The following AMER2 variants were observed in gnomAD, a reference collection of about 807,000 sequenced individuals.
The protein encoded by AMER2 is APC membrane recruitment protein 2, also known as family with sequence similarity 123A.
In AMER2, 1 loss-of-function variant was observed where a neutral mutation model predicts 4.7. The observed-to-expected ratio is 0.21, with a 90% CI of 0.07 to 1.00. The LOEUF is 1.00. Ranked by LOEUF, AMER2 falls within the 50% of genes least tolerant of loss-of-function variation. AMER2 has a pLI of 0.60. For missense variants in AMER2, 988 were observed against 966.9 expected, an observed-to-expected ratio of 1.02 and a Z score of -0.29; for synonymous variants, 485 against 433.3, an observed-to-expected ratio of 1.12 and a Z score of -1.48.
Position 25,170,092 on chromosome 13 carries a change from C to G in AMER2, c.1528G>C (p.Glu510Gln), listed in dbSNP as rs753340378. 2 of 1,614,098 alleles carry G rather than the reference C, an allele frequency of 1.2e-6. No individual in the cohort carries two copies. Among genetic ancestry groups the G allele is most frequent in the Non-Finnish European group, 1.7e-6 (2 of 1,180,016 alleles). The stretch of plus-strand genomic sequence containing the variant: ...GGGACGCCTTCCTGCTGCTCCTTCT[C>G]CGGGTGCTTGGGCTCCTCCTTAGGA... The part of the protein sequence containing the change: ...PHPKEEPKHP[E>Q]KEQQEGVPNS... Residue 510 changes from glutamate to glutamine, a missense_variant, in exon 1 of 1, where the codon GAG (glutamate) becomes CAG (glutamine). Transcript: ENST00000515384. The surrounding 1 kb of genome is among the most constrained non-coding windows in gnomAD (Gnocchi z 7.3).
rs2137432548 is a variant in AMER2, at chr13:25,165,009, T to A, written c.*4595A>T. 1 of 152,326 alleles carries A rather than the reference T, an allele frequency of 6.6e-6. No individual in the cohort carries two copies. Among genetic ancestry groups the A allele is most frequent in the South Asian group, 2.1e-4 (1 of 4,828 alleles). 9.4% of individuals were successfully genotyped at this position (152,326 alleles called of 1,614,324 possible). ...TGATACAGTCTATGCCCCATAAATA[T>A]GTGTTGCATTGAATTAAAGTAAATA... On this transcript the variant is annotated 3_prime_UTR_variant, in exon 1 of 1. Coordinates refer to ENST00000515384, the MANE Select transcript of AMER2 (RefSeq NM_152704.4).
Position 25,171,469 on chromosome 13 carries a change from C to T in AMER2, c.151G>A (p.Ala51Thr). ...GGCGGCTCGGCGGCCGGCGTTTCGG[C>T]GGCACAGTCACAATGCAAGTCCATG... is the stretch of plus-strand genomic sequence containing the variant. Reference protein sequence around the residue: ...ADMDLHCDCAAETPAAEPPSG... With the variant: ...ADMDLHCDCATETPAAEPPSG... Residue 51 changes from alanine (A) to threonine (T), a missense_variant, in exon 1 of 1, where the codon GCC becomes ACC. By Grantham distance (58) the Ala-to-Thr change is moderately conservative. Transcript: ENST00000515384. The surrounding 1 kb of genome is among the most constrained non-coding windows in gnomAD (Gnocchi z 5.9). 1 of 1,609,974 alleles carries T rather than the reference C, an allele frequency of 6.2e-7. No individual in the cohort carries two copies. Among genetic ancestry groups the T allele is most frequent in the Non-Finnish European group, 8.5e-7 (1 of 1,178,932 alleles).
rs1267840281 is a variant in AMER2 at position 25,164,696 on chromosome 13, G to A, written c.*4908C>T. 4.1e-5 allele frequency: 6 copies of A among 147,758 alleles called. 1 individual carries two copies. The East Asian group carries it at 8.1e-4, about 20-fold the overall frequency. The allele number at this position is 147,758 out of a possible 1,614,324, so 9.2% of individuals were successfully genotyped here. A position where few individuals can be genotyped will look rare whatever the true frequency, so the allele number is the denominator to read the frequency against. Reference sequence around the variant, plus strand: ...CCCACATGGCTGTTAAGAGGACTAAGTAATTATTTCTAAATCTCCTAGCAG... The same window carrying A: ...CCCACATGGCTGTTAAGAGGACTAAATAATTATTTCTAAATCTCCTAGCAG... On this transcript the variant is annotated 3_prime_UTR_variant, in exon 1 of 1. Coordinates refer to ENST00000515384, the MANE Select transcript of AMER2 (RefSeq NM_152704.4).
In AMER2 at chr13:25,170,931, A is replaced by G; in HGVS notation, c.689T>C (p.Leu230Pro). ...CTTGACGCACTCCAGGCTGGCGGTG[A>G]GCGAGCCGGGTAGGATCAAGCCGCC... ...PGGGLILPGS[L>P]TASLECVKEE... Residue 230 changes from leucine to proline, a missense_variant, in exon 1 of 1, where the codon CTC becomes CCC. Leu to Pro is a moderately conservative substitution (Grantham distance 98). Transcript: ENST00000515384. This position sits in a 1 kb window ranked among gnomAD's most constrained non-coding sequence, Gnocchi z 7.3. 1 of 1,489,038 alleles carries G rather than the reference A, an allele frequency of 6.7e-7. No homozygotes were observed. The highest frequency in any genetic ancestry group is 8.9e-7 in the Non-Finnish European group (1 of 1,124,954). 92.2% of individuals were successfully genotyped at this position (1,489,038 alleles called of 1,614,324 possible).
At position 25,172,030 on chromosome 13, in the gene AMER2, T is replaced by C; in HGVS notation, c.-411A>G. 1 of 189,528 alleles carries C rather than the reference T, an allele frequency of 5.3e-6. No individual in the cohort carries two copies. Among genetic ancestry groups the C allele is most frequent in the Non-Finnish European group, 1.1e-5 (1 of 94,318 alleles). The allele number at this position is 189,528 out of a possible 1,614,324, so 11.7% of individuals were successfully genotyped here. ...CAAAATGCTTGTTTTTCTTATCCTC[T>C]CTCCTAGACTCCCTGCATCTTCATG... On this transcript the variant is annotated 5_prime_UTR_variant, in exon 1 of 1. Coordinates refer to ENST00000515384, the MANE Select transcript of AMER2 (RefSeq NM_152704.4).
Position 25,163,273 on chromosome 13 carries a change from A to G in AMER2, c.*6331T>C, listed in dbSNP as rs1425398550. On this transcript the variant is annotated 3_prime_UTR_variant, in exon 1 of 1. Transcript: ENST00000515384. ...CAGCACAGAAGTTTCTCAAAAAATT[A>G]AAAATAATTCTATGTTTAATTAGAA... is the stretch of plus-strand genomic sequence containing the variant. 2 of 152,236 alleles carry G rather than the reference A, an allele frequency of 1.3e-5. No homozygotes were observed. Among genetic ancestry groups the G allele is most frequent in the Non-Finnish European group, 1.5e-5 (1 of 68,048 alleles). The allele number at this position is 152,236 out of a possible 1,614,324, so 9.4% of individuals were successfully genotyped here.
chr13:25,164,119 A>AG lies in AMER2; in HGVS notation c.*5484_*5485insC, dbSNP rs1472857253. ...GACTCCATCTCAAAAAAAAAAAAAAAAAAAATTAAAGAGGGTAGATCTCAT... is the reference window on the plus strand; with the variant it reads ...GACTCCATCTCAAAAAAAAAAAAAAAGAAAAATTAAAGAGGGTAGATCTCAT... On this transcript the variant is annotated 3_prime_UTR_variant, in exon 1 of 1. Coordinates refer to ENST00000515384, the MANE Select transcript of AMER2 (RefSeq NM_152704.4). The AG allele has an allele frequency of 2.0e-5, 3 of 152,192 alleles. No individual in the cohort carries two copies. The highest frequency in any genetic ancestry group is 6.6e-5 in the Admixed American group (1 of 15,240). The allele number at this position is 152,192 out of a possible 1,614,324, so 9.4% of individuals were successfully genotyped here.
In AMER2 at chr13:25,171,218, C is replaced by G; in HGVS notation, c.402G>C (p.Gly134=). ...RGGGDSGGGG[G]GRPNPGPPRA... ...TGGGGGGCCCCGGGTTCGGCCGCCC[C>G]CCGCCGCCCCCGCCGCTGTCGCCCC... Residue 134 remains glycine (G), a synonymous_variant, in exon 1 of 1, where the codon GGG becomes GGC. Transcript: ENST00000515384. This position sits in a 1 kb window ranked among gnomAD's most constrained non-coding sequence, Gnocchi z 5.9. 7.3e-7 allele frequency: 1 copy of G among 1,370,678 alleles called. No homozygotes were observed. The highest frequency in any genetic ancestry group is 9.4e-7 in the Non-Finnish European group (1 of 1,066,970). 84.9% of individuals were successfully genotyped at this position (1,370,678 alleles called of 1,614,324 possible).
rs1367964791 is a variant in AMER2 at position 25,167,300 on chromosome 13, GA to G, written c.*2303del. On this transcript the variant is annotated 3_prime_UTR_variant, in exon 1 of 1. Coordinates refer to ENST00000515384, the MANE Select transcript of AMER2 (RefSeq NM_152704.4). ...GCAAAGGAGAATATAACCCTTGCAGGAAAATGTACAACAAGGAAATCAAGAT... is the reference window on the plus strand; with the variant it reads ...GCAAAGGAGAATATAACCCTTGCAGGAAATGTACAACAAGGAAATCAAGAT... 3 of 152,150 alleles carry G rather than the reference GA, an allele frequency of 2.0e-5. No individual in the cohort carries two copies. Among genetic ancestry groups the G allele is most frequent in the African/African-American group, 7.2e-5 (3 of 41,442 alleles). 9.4% of individuals were successfully genotyped at this position (152,150 alleles called of 1,614,324 possible).
In AMER2 at chr13:25,170,720, G is replaced by A; in HGVS notation, c.900C>T (p.Ala300=). The change falls in exon 1 of 1, where the codon GCC becomes GCT. Residue 300 remains alanine, a synonymous_variant. Coordinates refer to ENST00000515384, the MANE Select transcript of AMER2 (RefSeq NM_152704.4). The surrounding 1 kb of genome is among the most constrained non-coding windows in gnomAD (Gnocchi z 7.3). ...CCGGCTCGGCGCGCCGATGCCCCGCGGCGTCCTCTCCCCGGGCGCCGGTGT... is the reference window on the plus strand; with the variant it reads ...CCGGCTCGGCGCGCCGATGCCCCGCAGCGTCCTCTCCCCGGGCGCCGGTGT... ...PGDTGARGED[A]AGHRRAEPGP... is the part of the protein sequence containing the mutation. 1 of 1,466,192 alleles carries A rather than the reference G, an allele frequency of 6.8e-7. No homozygotes were observed. Among genetic ancestry groups the A allele is most frequent in the Non-Finnish European group, 9.0e-7 (1 of 1,116,558 alleles). The allele number at this position is 1,466,192 out of a possible 1,614,324, so 90.8% of individuals were successfully genotyped here.
chr13:25,162,796 C>T lies in AMER2; in HGVS notation c.*6808G>A, dbSNP rs1462481479. 1.3e-5 allele frequency: 2 copies of T among 152,116 alleles called. No individual in the cohort carries two copies. Among genetic ancestry groups the T allele is most frequent in the African/African-American group, 4.8e-5 (2 of 41,418 alleles). 9.4% of individuals were successfully genotyped at this position (152,116 alleles called of 1,614,324 possible). A position where few individuals can be genotyped will look rare whatever the true frequency, so the allele number is the denominator to read the frequency against. ...CACATAGAGCAAAAGTTATTCTACT[C>T]GATTATTGAAGCATTTCCAAAATTA... On this transcript the variant is annotated 3_prime_UTR_variant, in exon 1 of 1. Coordinates refer to ENST00000515384, the MANE Select transcript of AMER2 (RefSeq NM_152704.4).
In AMER2 at chr13:25,170,032, G is replaced by T. The variant is rs966928017; in HGVS notation, c.1588C>A (p.Pro530Thr). The change falls in exon 1 of 1, where the codon CCA becomes ACA. Residue 530 changes from proline to threonine, a missense_variant. Physicochemically the swap from Pro to Thr is conservative, Grantham distance 38 (BLOSUM62 -1). Transcript: ENST00000515384. This position sits in a 1 kb window ranked among gnomAD's most constrained non-coding sequence, Gnocchi z 7.3. ...CTCGAGCTGTCTTCCTCTGGGCCTG[G>T]CGTGGTGGAGTCCCAGTAGCCCTCG... ...SDEGYWDSTT[P>T]GPEEDSSSSG... 1.9e-6 allele frequency: 3 copies of T among 1,613,732 alleles called. No homozygotes were observed. Among genetic ancestry groups the T allele is most frequent in the South Asian group, 2.2e-5 (2 of 91,062 alleles).
Position 25,169,902 on chromosome 13 carries a change from T to C in AMER2, c.1718A>G (p.Lys573Arg), listed in dbSNP as rs990485348. 1 of 1,614,164 alleles carries C rather than the reference T, an allele frequency of 6.2e-7. No homozygotes were observed. The highest frequency in any genetic ancestry group is 1.1e-5 in the South Asian group (1 of 91,090). ...DGSPATLPGGKDNEETSSLSR... is the reference protein window; with the variant it reads ...DGSPATLPGGRDNEETSSLSR... ...CAGGGAGGACGTCTCCTCGTTGTCCTTCCCTCCAGGAAGGGTTGCTGGACT... is the reference window on the plus strand; with the variant it reads ...CAGGGAGGACGTCTCCTCGTTGTCCCTCCCTCCAGGAAGGGTTGCTGGACT... The change falls in exon 1 of 1, where the codon AAG (lysine) becomes AGG (arginine). Residue 573 changes from lysine to arginine, a missense_variant. Transcript: ENST00000515384. The surrounding 1 kb of genome is among the most constrained non-coding windows in gnomAD (Gnocchi z 4.2).
chr13:25,167,694 A>G lies in AMER2; in HGVS notation c.*1910T>C, dbSNP rs1956496054. The G allele has an allele frequency of 6.6e-6, 1 of 152,220 alleles. No homozygotes were observed. Among genetic ancestry groups the G allele is most frequent in the Admixed American group, 6.5e-5 (1 of 15,290 alleles). The allele number at this position is 152,220 out of a possible 1,614,324, so 9.4% of individuals were successfully genotyped here. ...AGACAATGCAATAAAAGCCAGTCAT[A>G]TGACTAATGAAGAAATTCAGCAAAC... On this transcript the variant is annotated 3_prime_UTR_variant, in exon 1 of 1. Transcript: ENST00000515384.
Position 25,169,624 on chromosome 13 carries a change from C to T in AMER2, c.1996G>A (p.Asp666Asn). ...AGACCTCACAACTTTTTGGCACTGT[C>T]GTGGCAGGCCGTTGCTCTGATGGTG... ...GTTIRATACH[D>N]SAKKL is the part of the protein sequence containing the mutation. Residue 666 changes from aspartate (D) to asparagine (N), a missense_variant, in exon 1 of 1, where the codon GAC (aspartate) becomes AAC (asparagine). Asp to Asn is a conservative substitution (Grantham distance 23, BLOSUM62 1). Transcript: ENST00000515384. This position sits in a 1 kb window ranked among gnomAD's most constrained non-coding sequence, Gnocchi z 4.2. 6.3e-7 allele frequency: 1 copy of T among 1,594,646 alleles called. No homozygotes were observed. Among genetic ancestry groups the T allele is most frequent in the Non-Finnish European group, 8.5e-7 (1 of 1,169,762 alleles).
In AMER2 at chr13:25,171,257, C is replaced by A; in HGVS notation, c.363G>T (p.Glu121Asp). The stretch of plus-strand genomic sequence containing the variant: ...CGCTGTCGCCCCCGCCGCGCGGCTC[C>A]TCCTTCCTGCCGCTCTCCAGCACCA... ...EVLVLESGRK[E>D]EPRGGGDSGG... is the part of the protein sequence containing the mutation. The change falls in exon 1 of 1, where the codon GAG becomes GAT. Residue 121 changes from glutamate (E) to aspartate (D), a missense_variant. Transcript: ENST00000515384. The surrounding 1 kb of genome is among the most constrained non-coding windows in gnomAD (Gnocchi z 5.9). 1 of 1,469,940 alleles carries A rather than the reference C, an allele frequency of 6.8e-7. No individual in the cohort carries two copies. The highest frequency in any genetic ancestry group is 1.5e-5 in the South Asian group (1 of 68,218). The allele number at this position is 1,469,940 out of a possible 1,614,324, so 91.1% of individuals were successfully genotyped here. A position where few individuals can be genotyped will look rare whatever the true frequency, so the allele number is the denominator to read the frequency against.
In AMER2 at chr13:25,170,911, C is replaced by A; in HGVS notation, c.709G>T (p.Val237Phe). The change falls in exon 1 of 1, where the codon GTC (valine) becomes TTC (phenylalanine). Residue 237 changes from valine to phenylalanine, a missense_variant. Physicochemically the swap from Val to Phe is conservative, Grantham distance 50. Transcript: ENST00000515384. This position sits in a 1 kb window ranked among gnomAD's most constrained non-coding sequence, Gnocchi z 7.3. Reference protein sequence around the residue: ...PGSLTASLECVKEETPRAARE... With the variant: ...PGSLTASLECFKEETPRAARE... ...GCGGCTCTGGGCGTCTCCTCCTTGA[C>A]GCACTCCAGGCTGGCGGTGAGCGAG... 6.8e-7 allele frequency: 1 copy of A among 1,476,558 alleles called. No individual in the cohort carries two copies. Among genetic ancestry groups the A allele is most frequent in the Non-Finnish European group, 8.9e-7 (1 of 1,120,878 alleles). The allele number at this position is 1,476,558 out of a possible 1,614,324, so 91.5% of individuals were successfully genotyped here.
Position 25,170,095 on chromosome 13 carries a change from G to A in AMER2, c.1525C>T (p.Pro509Ser). 1 of 1,614,048 alleles carries A rather than the reference G, an allele frequency of 6.2e-7. No individual in the cohort carries two copies. Among genetic ancestry groups the A allele is most frequent in the South Asian group, 1.1e-5 (1 of 91,082 alleles). ...ACGCCTTCCTGCTGCTCCTTCTCCG[G>A]GTGCTTGGGCTCCTCCTTAGGATGG... The part of the protein sequence containing the change: ...EPHPKEEPKH[P>S]EKEQQEGVPN... The change falls in exon 1 of 1, where the codon CCG becomes TCG. Residue 509 changes from proline (P) to serine (S), a missense_variant. Physicochemically the swap from Pro to Ser is moderately conservative, Grantham distance 74. Transcript: ENST00000515384. The surrounding 1 kb of genome is among the most constrained non-coding windows in gnomAD (Gnocchi z 7.3).
Position 25,171,071 on chromosome 13 carries a change from C to A in AMER2, c.549G>T (p.Ala183=), listed in dbSNP as rs776231930. The change falls in exon 1 of 1, where the codon GCG becomes GCT. Residue 183 remains alanine (A), a synonymous_variant. Coordinates refer to ENST00000515384, the MANE Select transcript of AMER2 (RefSeq NM_152704.4). This position sits in a 1 kb window ranked among gnomAD's most constrained non-coding sequence, Gnocchi z 5.9. ...GCTTTTGTTTGCCGCCGGCCTTGCT[C>A]GCGTCCACAGGCTCTCCCTTGCCGT... is the stretch of plus-strand genomic sequence containing the variant. ...SENGKGEPVD[A]SKAGGKQKRG... 1.3e-5 allele frequency: 20 copies of A among 1,577,516 alleles called. No individual in the cohort carries two copies. Among genetic ancestry groups the A allele is most frequent in the South Asian group, 2.3e-5 (2 of 87,562 alleles).
Sources: allele counts gnomAD v4.1 joint callset, GRCh38; gene constraint gnomAD v4.1.1; non-coding constraint Gnocchi (gnomAD v3.1); transcripts MANE v1.5; gene names NCBI Gene and HGNC (gene_info 2026-07-23, HGNC 2026-07-21).